TMEM232: variants seen among roughly 807,000 people sequenced by gnomAD.
TMEM232 encodes the protein transmembrane protein 232.
A neutral mutation model predicts 78.8 loss-of-function variants in TMEM232; 80 were observed. The ratio of observed to expected loss-of-function variants is 1.01; its 90% CI spans 0.85 to 1.22. TMEM232 has a LOEUF of 1.22. TMEM232 is among the 50% of genes most tolerant of loss of function. The pLI, the probability that TMEM232 is intolerant of heterozygous loss-of-function variation, is 0.00. For missense variants in TMEM232, 881 were observed against 742.2 expected (o/e 1.19, Z -2.17); for synonymous variants, 297 against 254.3 (o/e 1.17, Z -1.60).
At chr5:110,609,272 T>C (rs890904587) in intron 8 of TMEM232, among the ~76,000 whole-genome samples, 1 of 151,906 alleles carries the variant, frequency 6.6e-6, no homozygotes, top group Non-Finnish European at 1.5e-5. Flanking sequence ...AATAGCAACT[T>C]AAAGGGAATT....
chr5:110,653,822 G>A (rs1788658248), intron 2 of TMEM232, among the ~76,000 whole-genome samples: 1 of 152,070 alleles, frequency 6.6e-6, no homozygotes, highest in African/African-American at 2.4e-5. Context: ...ACATCCAAGT[G>A]GAAAGGTTTA....
At chr5:110,663,771 G>A (rs530811688) in intron 2 of TMEM232, among the ~76,000 whole-genome samples, 1,555 of 144,574 alleles carry the variant, frequency 0.011, 25 homozygotes, top group African/African-American at 0.038. Context: ...GTGTGTGTGT[G>A]TGTATATACA....
intron 12 of TMEM232, among the ~76,000 whole-genome samples, chr5:110,510,046 T>C (rs889809417): frequency 4.6e-5 from 7 of 152,198 alleles, no homozygotes; most frequent in South Asian, 2.1e-4. Flanking sequence ...TTTCCATATA[T>C]TGAATGGTGA....
At chr5:110,527,636 T>A (rs1012181736) in intron 12 of TMEM232, among the ~76,000 whole-genome samples, 5 of 151,794 alleles carry the variant, frequency 3.3e-5, no homozygotes, top group African/African-American at 1.2e-4. Context: ...AAACAATATA[T>A]AGCAGGTACA....
intron 1 of TMEM232, among the ~76,000 whole-genome samples, chr5:110,684,086 G>A (rs1390725671): frequency 6.6e-6 from 1 of 151,596 alleles, no homozygotes; most frequent in African/African-American, 2.4e-5. Context: ...ATGTATCTAG[G>A]AAAAACTAAA....
chr5:110,463,279 C>T (rs1761730254), intron 12 of TMEM232, among the ~76,000 whole-genome samples: 1 of 152,170 alleles, frequency 6.6e-6, no homozygotes, highest in African/African-American at 2.4e-5. Flanking sequence ...TCACTGAAAG[C>T]TCAGATGATT....
intron 12 of TMEM232, among the ~76,000 whole-genome samples, chr5:110,510,465 A>C (rs2149468987): frequency 6.6e-6 from 1 of 152,280 alleles, no homozygotes; most frequent in African/African-American, 2.4e-5. Flanking sequence ...CTTTATTCTA[A>C]GTATTATGCA....
chr5:110,483,880 T>C (rs1238511193), intron 12 of TMEM232, among the ~76,000 whole-genome samples: 1 of 152,170 alleles, frequency 6.6e-6, no homozygotes, highest in Admixed American at 6.6e-5. Flanking sequence ...TATAGCACTA[T>C]TCACAATAGC....
chr5:110,686,432 T>C (rs1421847720), intron 1 of TMEM232, among the ~76,000 whole-genome samples: 1 of 151,996 alleles, frequency 6.6e-6, no homozygotes, highest in Non-Finnish European at 1.5e-5. Flanking sequence ...AGAGCCATTT[T>C]GGTTGTCCAA....
In TMEM232 at chr5:110,640,921, G is replaced by A; in HGVS notation, c.313C>T (p.Leu105=). Residue 105 remains leucine (L), a synonymous_variant, in exon 4 of 14, where the codon CTG becomes TTG. Transcript: ENST00000455884. ...LPAAWTEVIY[L]AQCKGEIQDE... The stretch of plus-strand genomic sequence containing the variant: ...TGGATTTCCCCTTTGCATTGAGCCA[G>A]ATATATTACTTCAGTCCATGCAGCA... The A allele has an allele frequency of 2.6e-6, 4 of 1,539,890 alleles. No individual in the cohort carries two copies. Among genetic ancestry groups the A allele is most frequent in the Non-Finnish European group, 3.5e-6 (4 of 1,140,870 alleles).
At chr5:110,629,130 C>T (rs1784801357) in intron 5 of TMEM232, among the ~76,000 whole-genome samples, 1 of 151,806 alleles carries the variant, frequency 6.6e-6, no homozygotes, top group Admixed American at 6.6e-5. Context: ...CTGAAATACT[C>T]TAGATGACAG....
chr5:110,466,830 T>C (rs1267187149), intron 12 of TMEM232, among the ~76,000 whole-genome samples: 2 of 151,964 alleles, frequency 1.3e-5, no homozygotes, highest in Non-Finnish European at 2.9e-5. Flanking sequence ...TTAGCCAGGA[T>C]GGTCTCGATC....
intron 1 of TMEM232, among the ~76,000 whole-genome samples, chr5:110,685,450 A>T (rs1375546779): frequency 1.3e-5 from 2 of 152,178 alleles, no homozygotes; most frequent in Non-Finnish European, 2.9e-5. Flanking sequence ...AATTAAAAGC[A>T]TAATGAACTT....
At chr5:110,588,332 G>A (rs1055932175) in intron 10 of TMEM232, among the ~76,000 whole-genome samples, 2 of 152,100 alleles carry the variant, frequency 1.3e-5, no homozygotes, top group African/African-American at 2.4e-5. Flanking sequence ...GAATGGAAAA[G>A]CACTTGGGTC....
At chr5:110,536,399 G>T (rs570560066) in intron 11 of TMEM232, among the ~76,000 whole-genome samples, 1 of 152,372 alleles carries the variant, frequency 6.6e-6, no homozygotes, top group Admixed American at 6.5e-5. Context: ...AGTGAATGAG[G>T]ATAGCTGCCT....
At chr5:110,516,143 G>T (rs986787135) in intron 12 of TMEM232, among the ~76,000 whole-genome samples, 5 of 152,238 alleles carry the variant, frequency 3.3e-5, no homozygotes, top group Admixed American at 1.3e-4. Flanking sequence ...GGAGGCTGAC[G>T]CAGGAGAACG....
At chr5:110,434,556 C>T (rs1758207296) in intron 12 of TMEM232, among the ~76,000 whole-genome samples, 1 of 151,216 alleles carries the variant, frequency 6.6e-6, no homozygotes, top group Non-Finnish European at 1.5e-5. Context: ...ACAAATGCCA[C>T]TGAAACTATT....
chr5:110,490,046 C>A (rs746923852), intron 12 of TMEM232, among the ~76,000 whole-genome samples: 6 of 151,548 alleles, frequency 4.0e-5, no homozygotes, highest in Admixed American at 3.3e-4. Context: ...ATTTCTTGAA[C>A]CCAGGAGGCA....
chr5:110,404,944 AT>A (rs1408307132), intron 2 of TMEM232, among the ~76,000 whole-genome samples: 2 of 152,098 alleles, frequency 1.3e-5, no homozygotes, highest in Non-Finnish European at 2.9e-5. Flanking sequence ...AATCTGGAAG[AT>A]TCCAAGCAAA....
Sources: allele counts gnomAD v4.1 joint callset (sites outside exome capture counted in the v4.1 genomes callset), GRCh38; gene constraint gnomAD v4.1.1; transcripts MANE v1.5; gene names NCBI Gene and HGNC (gene_info 2026-07-23, HGNC 2026-07-21).